Variants in ANO3 observed in about 807,000 individuals in gnomAD.
The protein encoded by ANO3 is anoctamin-3.
A neutral mutation model predicts 144.8 loss-of-function variants in ANO3; 99 were observed. The ratio of observed to expected loss-of-function variants is 0.68; its 90% CI spans 0.58 to 0.81. The LOEUF (loss-of-function observed/expected upper bound fraction) is 0.81, where lower values mean the gene tolerates loss of function less well. ANO3 is among the 30% of genes least tolerant of loss of function. The probability of loss-of-function intolerance (pLI) is 0.00; values close to 1 mark genes in which losing one functional copy is unlikely to be tolerated. For synonymous variants in ANO3, 414 were observed against 392.6 expected (o/e 1.05, Z -0.64); for missense variants, 905 against 1,202.2 (o/e 0.75, Z 3.66).
chr11:26,565,963 A>G, intron 14 of ANO3: 3 of 1,352,162 alleles, frequency 2.2e-6, no homozygotes, highest in Non-Finnish European at 3.0e-6. Context: ...ATGGATCTAT[A>G]TATTTTAAAG....
chr11:26,320,008 C>T (rs928462151), intron 1 of ANO3, among the ~76,000 whole-genome samples: 8 of 152,218 alleles, frequency 5.3e-5, no homozygotes, highest in South Asian at 4.1e-4. Context: ...AGAAATGTCA[C>T]GAACCAGCCC....
intron 9 of ANO3, among the ~76,000 whole-genome samples, chr11:26,535,707 C>A (rs141798941): frequency 0.012 from 1,829 of 151,284 alleles, 38 homozygotes; most frequent in African/African-American, 0.038. Context: ...CTCAGCCTCC[C>A]GAGTGGCTGG....
intron 1 of ANO3, among the ~76,000 whole-genome samples, chr11:26,250,123 A>G (rs1397914048): frequency 3.3e-5 from 5 of 152,238 alleles, no homozygotes; most frequent in African/African-American, 1.2e-4. Flanking sequence ...AATTTAAGCT[A>G]GCATACAAAA....
chr11:26,487,878 A>G (rs545398133), intron 4 of ANO3, among the ~76,000 whole-genome samples: 1 of 152,298 alleles, frequency 6.6e-6, no homozygotes, highest in East Asian at 1.9e-4. Flanking sequence ...TAAAAGCATC[A>G]CATTTTAGGC....
intron 1 of ANO3, among the ~76,000 whole-genome samples, chr11:26,260,745 C>T (rs936081076): frequency 2.0e-5 from 3 of 152,128 alleles, no homozygotes; most frequent in Non-Finnish European, 4.4e-5. Context: ...AAACTAAATC[C>T]ATACAGCATT....
intron 10 of ANO3, among the ~76,000 whole-genome samples, chr11:26,539,886 A>C (rs903757088): frequency 1.3e-5 from 2 of 152,156 alleles, no homozygotes; most frequent in Non-Finnish European, 2.9e-5. Context: ...TAGGTGAGAA[A>C]ACTGAGACAT....
At chr11:26,287,446 G>A (rs1399048952) in intron 1 of ANO3, 1 of 152,174 alleles carries the variant, frequency 6.6e-6, no homozygotes, top group Admixed American at 6.5e-5. Context: ...GTGAAGCACA[G>A]AGAGGTCGAG....
intron 6 of ANO3, among the ~76,000 whole-genome samples, chr11:26,525,419 TAG>T (rs1849136678): frequency 6.6e-6 from 1 of 152,058 alleles, no homozygotes; most frequent in South Asian, 2.1e-4. Flanking sequence ...GTTGATTTAT[TAG>T]AGTGTCTTTG....
chr11:26,293,533 GTATA>G (rs59115569), intron 1 of ANO3, among the ~76,000 whole-genome samples: 48 of 25,934 alleles, frequency 1.9e-3, no homozygotes, highest in African/African-American at 5.3e-3. Flanking sequence ...TAAATTCCAT[GTATA>G]TATATATATA....
chr11:26,408,438 C>G (rs1046095136), intron 1 of ANO3, among the ~76,000 whole-genome samples: 47 of 151,856 alleles, frequency 3.1e-4, no homozygotes, highest in Non-Finnish European at 4.3e-4. Flanking sequence ...CCATCTCACA[C>G]CAGTTAGAAT....
intron 3 of ANO3, among the ~76,000 whole-genome samples, chr11:26,457,856 T>C (rs113192879): frequency 0.013 from 1,981 of 152,260 alleles, 43 homozygotes; most frequent in African/African-American, 0.046. Context: ...TCAGATTTAC[T>C]GTAACTGTTA....
chr11:26,345,426 G>T (rs1374811120), intron 1 of ANO3, among the ~76,000 whole-genome samples: 1 of 152,156 alleles, frequency 6.6e-6, no homozygotes. Flanking sequence ...CGTGGCATGT[G>T]CCTGTAGTCC....
At chr11:26,431,607 T>C (rs1359884741) in intron 1 of ANO3, among the ~76,000 whole-genome samples, 1 of 152,184 alleles carries the variant, frequency 6.6e-6, no homozygotes, top group African/African-American at 2.4e-5. Flanking sequence ...TATATGTCCA[T>C]GTGTTCTCAT....
At chr11:26,634,846 T>C (rs1299019956) in intron 19 of ANO3, among the ~76,000 whole-genome samples, 167 bp from the exon 20 acceptor site, 2 of 152,198 alleles carry the variant, frequency 1.3e-5, no homozygotes, top group African/African-American at 4.8e-5. Flanking sequence ...CACTTTTTCC[T>C]TTGTAAGTCA....
intron 1 of ANO3, among the ~76,000 whole-genome samples, chr11:26,258,582 CT>C (rs1853111921): frequency 6.6e-6 from 1 of 152,158 alleles, no homozygotes; most frequent in Non-Finnish European, 1.5e-5. Flanking sequence ...CCTCTTTTCT[CT>C]TTGATTCATC....
chr11:26,456,856 A>C (rs1859180921), intron 3 of ANO3, among the ~76,000 whole-genome samples: 1 of 139,824 alleles, frequency 7.2e-6, no homozygotes, highest in Non-Finnish European at 1.5e-5. Context: ...CTGGATTAAG[A>C]AAATGTGGCA....
intron 4 of ANO3, among the ~76,000 whole-genome samples, chr11:26,465,643 G>A (rs938922818): frequency 6.6e-6 from 1 of 151,822 alleles, no homozygotes; most frequent in Non-Finnish European, 1.5e-5. Flanking sequence ...ATAACCCCAA[G>A]TCCTGCAACC....
At chr11:26,405,674 C>T (rs1415129229) in intron 1 of ANO3, among the ~76,000 whole-genome samples, 2 of 151,996 alleles carry the variant, frequency 1.3e-5, no homozygotes, top group East Asian at 1.9e-4. Context: ...ACATATGCAA[C>T]TTTGAGAAAA....
chr11:26,408,476 C>G (rs1319523829), intron 1 of ANO3, among the ~76,000 whole-genome samples: 2 of 150,766 alleles, frequency 1.3e-5, no homozygotes, highest in African/African-American at 2.4e-5. Context: ...CAGGAAACAA[C>G]AGGTGCTGGA....
Sources: allele counts gnomAD v4.1 joint callset (sites outside exome capture counted in the v4.1 genomes callset), GRCh38; gene constraint gnomAD v4.1.1; transcripts MANE v1.5; gene names NCBI Gene and HGNC (gene_info 2026-07-23, HGNC 2026-07-21).